GRID2: variants seen among roughly 807,000 people sequenced by gnomAD.
GRID2 encodes glutamate ionotropic receptor delta type subunit 2, also known as glutamate receptor ionotropic, delta-2.
GRID2 carries 33 observed loss-of-function variants against 114.8 expected under a neutral mutation model. The ratio of observed to expected loss-of-function variants is 0.29; its 90% CI spans 0.22 to 0.38. The LOEUF (loss-of-function observed/expected upper bound fraction) is 0.38, where lower values mean the gene tolerates loss of function less well. GRID2 is among the 10% of genes least tolerant of loss of function. The pLI is 1.00. For missense variants in GRID2, 1,184 were observed against 1,257.7 expected (o/e 0.94, Z 0.89); for synonymous variants, 505 against 449.9 (o/e 1.12, Z -1.55).
intron 1 of GRID2, among the ~76,000 whole-genome samples, chr4:93,799,023 A>G (rs1734865439): frequency 6.6e-6 from 1 of 152,220 alleles, no homozygotes; most frequent in East Asian, 1.9e-4. Flanking sequence ...AGGAGCTCCG[A>G]TCTCAGCTCT....
At chr4:92,714,176 G>A (rs985160031) in intron 2 of GRID2, among the ~76,000 whole-genome samples, 2 of 152,134 alleles carry the variant, frequency 1.3e-5, no homozygotes, top group Non-Finnish European at 2.9e-5. Flanking sequence ...AAACAAAGGG[G>A]CTAGAGGCCC....
At chr4:92,831,566 A>C in intron 2 of GRID2, among the ~76,000 whole-genome samples, 1 of 151,962 alleles carries the variant, frequency 6.6e-6, no homozygotes, top group Non-Finnish European at 1.5e-5. Context: ...CTTATCTATA[A>C]AATGATTCCA....
intron 1 of GRID2, among the ~76,000 whole-genome samples, chr4:92,391,181 T>A (rs1156837429): frequency 1.3e-5 from 2 of 152,216 alleles, no homozygotes; most frequent in Non-Finnish European, 1.5e-5. Context: ...AATCTCTATA[T>A]GTGAGTACAC....
chr4:92,389,443 G>C (rs1433309321), intron 1 of GRID2, among the ~76,000 whole-genome samples: 1 of 151,918 alleles, frequency 6.6e-6, no homozygotes, highest in African/African-American at 2.4e-5. Flanking sequence ...TTTCTGAAAG[G>C]AAATAATACT....
chr4:92,352,901 T>G (rs1474700349), intron 1 of GRID2, among the ~76,000 whole-genome samples: 1 of 151,966 alleles, frequency 6.6e-6, no homozygotes, highest in Non-Finnish European at 1.5e-5. Flanking sequence ...TTCAGATTTC[T>G]AGATGCTTTT....
At chr4:93,137,724 TATC>T (rs1443024655) in intron 4 of GRID2, among the ~76,000 whole-genome samples, 4 of 152,020 alleles carry the variant, frequency 2.6e-5, no homozygotes, top group South Asian at 4.1e-4. Flanking sequence ...AAACTGAAAA[TATC>T]ATGGGGGATG....
chr4:92,923,610 A>T (rs1749548835), intron 2 of GRID2, among the ~76,000 whole-genome samples: 1 of 152,184 alleles, frequency 6.6e-6, no homozygotes, highest in Non-Finnish European at 1.5e-5. Flanking sequence ...AAAAATGACA[A>T]AAATATACCA....
chr4:93,388,225 A>T (rs1764515158), intron 8 of GRID2, among the ~76,000 whole-genome samples: 1 of 152,156 alleles, frequency 6.6e-6, no homozygotes, highest in Admixed American at 6.5e-5. Context: ...TTACTTTACT[A>T]ATTCATTAAA....
chr4:92,318,027 G>A (rs1246857997), intron 1 of GRID2, among the ~76,000 whole-genome samples: 1 of 151,982 alleles, frequency 6.6e-6, no homozygotes, highest in Non-Finnish European at 1.5e-5. Flanking sequence ...AATACACATT[G>A]AGTCTTGAGC....
At chr4:93,282,149 G>C (rs1752714881) in intron 8 of GRID2, among the ~76,000 whole-genome samples, 1 of 152,000 alleles carries the variant, frequency 6.6e-6, no homozygotes, top group Non-Finnish European at 1.5e-5. Flanking sequence ...ACTGTATAGA[G>C]TAGGCCACAA....
At chr4:92,888,394 C>T (rs958010471) in intron 2 of GRID2, among the ~76,000 whole-genome samples, 1 of 151,910 alleles carries the variant, frequency 6.6e-6, no homozygotes, top group African/African-American at 2.4e-5. Context: ...TGTAATCTTT[C>T]GAATTTGCCC....
chr4:93,759,312 T>C (rs1277992199), intron 14 of GRID2, among the ~76,000 whole-genome samples: 2 of 152,176 alleles, frequency 1.3e-5, no homozygotes, highest in African/African-American at 2.4e-5. Context: ...CCTAGAGAGA[T>C]CAATTTGAAT....
intron 13 of GRID2, among the ~76,000 whole-genome samples, chr4:93,524,832 T>TAC (rs1730716361): frequency 9.4e-6 from 1 of 106,920 alleles, no homozygotes. Flanking sequence ...TGTATATATA[T>TAC]ATATATATAT....
chr4:92,941,994 T>C (rs1484942334), intron 2 of GRID2, among the ~76,000 whole-genome samples: 1 of 152,164 alleles, frequency 6.6e-6, no homozygotes, highest in Non-Finnish European at 1.5e-5. Flanking sequence ...TCCAAGTATG[T>C]GGTCAATTTT....
intron 13 of GRID2, among the ~76,000 whole-genome samples, chr4:93,555,715 GA>G (rs979719399): frequency 6.6e-6 from 1 of 152,210 alleles, no homozygotes; most frequent in African/African-American, 2.4e-5. Context: ...TGCTGGCTCT[GA>G]AGACAGCAAC....
rs897309806 is a variant in GRID2, at chr4:92,762,002, C to T, written c.244+171716C>T. On this transcript the variant is annotated intron_variant, in intron 2 of 15. Transcript: ENST00000282020. The stretch of plus-strand genomic sequence containing the variant: ...GGAGTGCAGTGGCACAATCTTGGCT[C>T]ACTGCAACCTCCAACTCCCTGATTC... 5.3e-5 allele frequency among the ~76,000 whole-genome samples: 8 copies of T among 152,274 alleles called. No individual in the cohort carries two copies. In the South Asian group the frequency reaches 6.2e-4, roughly 12 times the overall value.
chr4:92,757,988 G>GA (rs113598120), intron 2 of GRID2, among the ~76,000 whole-genome samples: 8 of 152,118 alleles, frequency 5.3e-5, no homozygotes, highest in African/African-American at 1.9e-4. Flanking sequence ...AGATGGGGAG[G>GA]AGTCAAATAG....
chr4:92,522,876 C>T (rs781249791), intron 1 of GRID2, among the ~76,000 whole-genome samples: 7 of 151,968 alleles, frequency 4.6e-5, no homozygotes, highest in East Asian at 3.9e-4. Context: ...AGACAAAAAA[C>T]GAGTAATTAG....
chr4:93,795,480 T>C (rs1442778827), intron 1 of GRID2, among the ~76,000 whole-genome samples: 2 of 152,114 alleles, frequency 1.3e-5, no homozygotes, highest in Non-Finnish European at 2.9e-5. Context: ...AGTGTATATT[T>C]TGCTAAAGAA....
Sources: gnomAD v4.1 joint callset for allele counts (sites outside exome capture counted in the v4.1 genomes callset) on GRCh38, gnomAD v4.1.1 for gene constraint, MANE v1.5 for transcripts, NCBI Gene and HGNC (gene_info 2026-07-23, HGNC 2026-07-21) for gene names.